The following LYSMD4 variants were observed in gnomAD, a reference collection of about 807,000 sequenced individuals.
LYSMD4 encodes the protein lysM and putative peptidoglycan-binding domain-containing protein 4.
LYSMD4 carries 9 observed loss-of-function variants against 6.1 expected under a neutral mutation model. The ratio of observed to expected loss-of-function variants is 1.47; its 90% CI spans 0.88 to 2.56. LYSMD4 has a LOEUF of 2.56. Ranked by LOEUF, LYSMD4 falls within the 30% of genes most tolerant of loss-of-function variation. The pLI is 0.00. For missense variants in LYSMD4, 384 were observed against 373.5 expected, an observed-to-expected ratio of 1.03 and a Z score of -0.23; for synonymous variants, 143 against 148.5, an observed-to-expected ratio of 0.96 and a Z score of 0.27.
upstream of LYSMD4, among the ~76,000 whole-genome samples, chr15:99,721,850 A>C (rs1369747448): frequency 6.6e-6 from 1 of 152,224 alleles, no homozygotes. Flanking sequence ...AGAGACCAGA[A>C]ATAAACCAGG....
At chr15:99,718,534 C>CAGCT (rs2059212085), upstream of LYSMD4, among the ~76,000 whole-genome samples, 1 of 152,218 alleles carries the variant, frequency 6.6e-6, no homozygotes, top group Non-Finnish European at 1.5e-5. Context: ...CTGCGAGGAA[C>CAGCT]AGCTGTCCCT....
chr15:99,720,772 G>A (rs1469985427), upstream of LYSMD4: 2 of 152,148 alleles, frequency 1.3e-5, no homozygotes, highest in East Asian at 1.9e-4. Context: ...AATCTGATGA[G>A]ACCGACCTCA....
chr15:99,716,178 A>G (rs2059132900), exon 1 of LYSMD4: 1 of 182,394 alleles, frequency 5.5e-6, no homozygotes, highest in Non-Finnish European at 1.2e-5. Context: ...TATATTTAAA[A>G]TGGCTTTTTT....
Position 99,728,783 on chromosome 15 carries a change from T to A in LYSMD4, c.*340A>T. 1 of 306,562 alleles carries A rather than the reference T, an allele frequency of 3.3e-6. No individual in the cohort carries two copies. Among genetic ancestry groups the A allele is most frequent in the Non-Finnish European group, 6.3e-6 (1 of 158,986 alleles). The allele number at this position is 306,562 out of a possible 1,614,324, so 19.0% of individuals were successfully genotyped here. On this transcript the variant is annotated 3_prime_UTR_variant, in exon 3 of 3. Coordinates refer to ENST00000684762, the MANE Select transcript of LYSMD4 (RefSeq NM_001284417.2). The stretch of plus-strand genomic sequence containing the variant: ...CACTGGCTCTCACGCTGCAGGTCCC[T>A]CGACAGAGGCCATAAATCTTTCCCT...
upstream of LYSMD4, among the ~76,000 whole-genome samples, chr15:99,722,332 A>T (rs2141094833): frequency 1.3e-5 from 2 of 152,268 alleles, no homozygotes; most frequent in East Asian, 1.9e-4. Context: ...GGGCCGAATG[A>T]GTGCTCACTA....
chr15:99,726,432 C>T (rs940507198), downstream of LYSMD4, among the ~76,000 whole-genome samples: 11 of 152,172 alleles, frequency 7.2e-5, no homozygotes, highest in Non-Finnish European at 1.6e-4. Flanking sequence ...GCATGAGCCA[C>T]TGTGCCTGGC....
chr15:99,723,427 C>CT (rs2059252883), downstream of LYSMD4, among the ~76,000 whole-genome samples: 1 of 152,230 alleles, frequency 6.6e-6, no homozygotes, highest in South Asian at 2.1e-4. Context: ...TTAACTCTTT[C>CT]TTATTGTGGT....
At chr15:99,724,023 T>C (rs183758412), downstream of LYSMD4, among the ~76,000 whole-genome samples, 3 of 151,080 alleles carry the variant, frequency 2.0e-5, no homozygotes, top group African/African-American at 7.4e-5. Flanking sequence ...AGACTATTCA[T>C]AGTTCCCTGT....
chr15:99,726,568 T>G (rs1159241884), downstream of LYSMD4, among the ~76,000 whole-genome samples: 1 of 152,036 alleles, frequency 6.6e-6, no homozygotes, highest in Non-Finnish European at 1.5e-5. Context: ...AACATGCTCC[T>G]AGGCCGGGCC....
downstream of LYSMD4, among the ~76,000 whole-genome samples, chr15:99,724,047 C>T (rs1398086160): frequency 2.0e-5 from 3 of 151,076 alleles, no homozygotes; most frequent in Admixed American, 2.0e-4. Flanking sequence ...CATAGTCCCC[C>T]GTTTCCAGCC....
upstream of LYSMD4, among the ~76,000 whole-genome samples, chr15:99,719,376 CTG>C (rs1488225749): frequency 2.6e-5 from 4 of 152,162 alleles, no homozygotes; most frequent in East Asian, 7.7e-4. Context: ...TGAAACATTA[CTG>C]TGTTTCTAAG....
chr15:99,733,006 G>A (rs2059458257), intron 1 of LYSMD4: 2 of 223,812 alleles, frequency 8.9e-6, no homozygotes, highest in Middle Eastern at 1.3e-3. Flanking sequence ...GCAGCTCCAG[G>A]CCCGCTTCCC....
downstream of LYSMD4, among the ~76,000 whole-genome samples, chr15:99,722,624 T>C (rs979323820): frequency 6.6e-6 from 1 of 152,174 alleles, no homozygotes; most frequent in Admixed American, 6.5e-5. Flanking sequence ...CAGATAAGGA[T>C]GTGAAACAGC....
chr15:99,731,216 G>C (rs774042091), intron 2 of LYSMD4: 1 of 1,611,798 alleles, frequency 6.2e-7, no homozygotes, highest in South Asian at 1.1e-5. Flanking sequence ...CATAATTAGA[G>C]AAAAACAGGG....
upstream of LYSMD4, among the ~76,000 whole-genome samples, chr15:99,722,106 A>G (rs762247476): frequency 1.4e-4 from 21 of 152,240 alleles, no homozygotes; most frequent in Non-Finnish European, 2.5e-4. Flanking sequence ...GCCAACAGAA[A>G]AAAGTAGGCG....
intron 2 of LYSMD4, among the ~76,000 whole-genome samples, chr15:99,730,608 A>G (rs367788815): frequency 6.6e-6 from 1 of 152,230 alleles, no homozygotes; most frequent in Non-Finnish European, 1.5e-5. Context: ...AACTGCTGTT[A>G]TTGTAACTGA....
chr15:99,729,046 C>G lies in LYSMD4; in HGVS notation c.*77G>C. ...TCCCCGGAAGCAAAATGCAGCACCCCTAGGACATCGCCAGTGACAGCTGAG... is the reference window on the plus strand; with the variant it reads ...TCCCCGGAAGCAAAATGCAGCACCCGTAGGACATCGCCAGTGACAGCTGAG... On this transcript the variant is annotated 3_prime_UTR_variant, in exon 3 of 3. Coordinates refer to ENST00000684762, the MANE Select transcript of LYSMD4 (RefSeq NM_001284417.2). The G allele has an allele frequency of 6.4e-7, 1 of 1,573,098 alleles. No individual in the cohort carries two copies. Among genetic ancestry groups the G allele is most frequent in the Non-Finnish European group, 8.6e-7 (1 of 1,156,822 alleles).
At position 99,729,723 on chromosome 15, in the gene LYSMD4, A is replaced by G. The variant is rs1171343320; in HGVS notation, c.291T>C (p.Asp97=). ...TGATGAAGTTGTTGACTTTCTTGAT[A>G]TCTGCAACCTAGGAAGGCACGAAGA... is the stretch of plus-strand genomic sequence containing the variant. The part of the protein sequence containing the change: ...LALQYGCKVA[D]IKKVNNFIRE... Residue 97 remains aspartate, a synonymous_variant, in exon 3 of 3, where the codon GAT becomes GAC. Coordinates refer to ENST00000684762, the MANE Select transcript of LYSMD4 (RefSeq NM_001284417.2). The G allele has an allele frequency of 1.9e-6, 3 of 1,606,674 alleles. No individual in the cohort carries two copies. The highest frequency in any genetic ancestry group is 2.5e-6 in the Non-Finnish European group (3 of 1,177,706).
downstream of LYSMD4, among the ~76,000 whole-genome samples, chr15:99,727,200 C>T (rs902174747): frequency 1.3e-5 from 2 of 152,130 alleles, no homozygotes; most frequent in African/African-American, 4.8e-5. Flanking sequence ...CATGGCTAAA[C>T]CCCATCTCTA....
Sources: allele counts gnomAD v4.1 joint callset (sites outside exome capture counted in the v4.1 genomes callset), GRCh38; gene constraint gnomAD v4.1.1; transcripts MANE v1.5; gene names NCBI Gene and HGNC (gene_info 2026-07-23, HGNC 2026-07-21).